The following RXRB variants were observed in gnomAD, a reference collection of about 807,000 sequenced individuals.
The protein encoded by RXRB is retinoic acid receptor RXR-beta.
Under a neutral mutation model 52.5 loss-of-function variants are expected in RXRB, and 18 were observed. The ratio of observed to expected loss-of-function variants is 0.34; its 90% confidence interval spans 0.24 to 0.51. RXRB has a LOEUF of 0.51. RXRB is among the 20% of genes least tolerant of loss of function. RXRB has a pLI of 0.97. For synonymous variants in RXRB, 233 were observed against 267.1 expected, an observed-to-expected ratio of 0.87 and a Z score of 1.25; for missense variants, 455 against 698.2, an observed-to-expected ratio of 0.65 and a Z score of 3.92.
In RXRB at chr6:33,194,480, C is replaced by A; in HGVS notation, c.*202G>T. On this transcript the variant is annotated 3_prime_UTR_variant, in exon 10 of 10. Coordinates refer to ENST00000374680, the MANE Select transcript of RXRB (RefSeq NM_021976.5). This position sits in a 1 kb window ranked among gnomAD's most constrained non-coding sequence, Gnocchi z 4.1. Reference sequence around the variant, plus strand: ...ACTCAAGGCCACCGAAGAGAGACAACCAGTCCTCACAGGTATCTGGGGTCC... The same window carrying A: ...ACTCAAGGCCACCGAAGAGAGACAAACAGTCCTCACAGGTATCTGGGGTCC... 1 of 550,632 alleles carries A rather than the reference C, an allele frequency of 1.8e-6. No homozygotes were observed. Among genetic ancestry groups the A allele is most frequent in the South Asian group, 2.9e-5 (1 of 34,714 alleles). 34.1% of individuals were successfully genotyped at this position (550,632 alleles called of 1,614,324 possible).
rs748582888 is a variant in RXRB, at chr6:33,195,727, A to G, written c.1124-25T>C. 2 of 1,609,586 alleles carry G rather than the reference A, an allele frequency of 1.2e-6. No homozygotes were observed. The highest frequency in any genetic ancestry group is 2.2e-5 in the South Asian group (2 of 90,942). On this transcript the variant is annotated intron_variant, in intron 6 of 9. Coordinates refer to ENST00000374680, the MANE Select transcript of RXRB (RefSeq NM_021976.5). This position sits in a 1 kb window ranked among gnomAD's most constrained non-coding sequence, Gnocchi z 8.6. ...CCTGGGTGGGGCAGCAAGGGTCAGG[A>G]GCCAGAAATCAGGCCAAGGGATTCA...
At position 33,197,593 on chromosome 6, in the gene RXRB, A is replaced by T. The variant is rs1439124431; in HGVS notation, c.820+169T>A. ...GGCCTAACCATTAAGAAGGAAACTC[A>T]AGGGCCAGAACAGGGTAACAGGGAG... On this transcript the variant is annotated intron_variant, in intron 4 of 9. Transcript: ENST00000374680. The surrounding 1 kb of genome is among the most constrained non-coding windows in gnomAD (Gnocchi z 4.4). Among the ~76,000 whole-genome samples the T allele has an allele frequency of 6.6e-6, 1 of 152,238 alleles. No homozygotes were observed. Among genetic ancestry groups the T allele is most frequent in the Non-Finnish European group, 1.5e-5 (1 of 68,042 alleles).
In RXRB at chr6:33,197,007, T is replaced by G. The variant is rs1268011147; in HGVS notation, c.821-401A>C. On this transcript the variant is annotated intron_variant, in intron 4 of 9. Transcript: ENST00000374680. The surrounding 1 kb of genome is among the most constrained non-coding windows in gnomAD (Gnocchi z 4.4). ...TGCTGGAAGCATTTATTCTCATTTT[T>G]AAGATGAAGAACTCGGGGTTCAAAG... Among the ~76,000 whole-genome samples the G allele has an allele frequency of 6.6e-6, 1 of 152,236 alleles. No individual in the cohort carries two copies. Among genetic ancestry groups the G allele is most frequent in the Non-Finnish European group, 1.5e-5 (1 of 68,038 alleles).
At position 33,193,987 on chromosome 6, in the gene RXRB, T is replaced by C. The variant is rs1333093565; in HGVS notation, c.*695A>G. ...CAAACACCCACCTCCACCACTGGCA[T>C]TTCTTAGTCAACCTGGGAAAGTACA... On this transcript the variant is annotated 3_prime_UTR_variant, in exon 10 of 10. Coordinates refer to ENST00000374680, the MANE Select transcript of RXRB (RefSeq NM_021976.5). 6.6e-6 allele frequency: 1 copy of C among 152,296 alleles called. No homozygotes were observed. Among genetic ancestry groups the C allele is most frequent in the East Asian group, 1.9e-4 (1 of 5,204 alleles). The allele number at this position is 152,296 out of a possible 1,614,324, so 9.4% of individuals were successfully genotyped here.
Position 33,195,355 on chromosome 6 carries a change from C to T in RXRB, c.1348+8G>A. 3.8e-6 allele frequency: 6 copies of T among 1,569,042 alleles called. No homozygotes were observed. The highest frequency in any genetic ancestry group is 3.3e-4 in the Middle Eastern group (2 of 5,992). ...GGCCTTGAGAGACAAAGGTAATCCT[C>T]CTCTTACCTGGATTAAACAGAATGA... On this transcript the variant is annotated splice_region_variant and intron_variant, in intron 8 of 9. Transcript: ENST00000374680. The surrounding 1 kb of genome is among the most constrained non-coding windows in gnomAD (Gnocchi z 8.6).
At position 33,195,122 on chromosome 6, in the gene RXRB, G is replaced by A; in HGVS notation, c.1349-72C>T. The A allele has an allele frequency of 9.0e-7, 1 of 1,106,824 alleles. No homozygotes were observed. Among genetic ancestry groups the A allele is most frequent in the Non-Finnish European group, 1.4e-6 (1 of 726,860 alleles). The allele number at this position is 1,106,824 out of a possible 1,614,324, so 68.6% of individuals were successfully genotyped here. A position where few individuals can be genotyped will look rare whatever the true frequency, so the allele number is the denominator to read the frequency against. Reference sequence around the variant, plus strand: ...AATCAGGATGGCCATGCAGATGTGAGCCACAGGATGCCCCTTTTGGGCTGC... The same window carrying A: ...AATCAGGATGGCCATGCAGATGTGAACCACAGGATGCCCCTTTTGGGCTGC... On this transcript the variant is annotated intron_variant, in intron 8 of 9. Transcript: ENST00000374680. The surrounding 1 kb of genome is among the most constrained non-coding windows in gnomAD (Gnocchi z 8.6).
In RXRB at chr6:33,200,333, C is replaced by CGCCGCT. The variant is rs1562423607; in HGVS notation, c.138_143dup (p.Ala51_Ala52dup). 1 of 1,586,488 alleles carries CGCCGCT rather than the reference C, an allele frequency of 6.3e-7. No individual in the cohort carries two copies. Among genetic ancestry groups the CGCCGCT allele is most frequent in the East Asian group, 2.3e-5 (1 of 43,420 alleles). On this transcript the variant is annotated inframe_insertion, in exon 1 of 10. Transcript: ENST00000374680. The surrounding 1 kb of genome is among the most constrained non-coding windows in gnomAD (Gnocchi z 6.3). ...CTCCGCCTGCCACCGCCGCCGCCGC[C>CGCCGCT]GCCGCTGCGGGATCCAGCCAGGGCC...
In RXRB at chr6:33,198,367, G is replaced by A. The variant is rs1338024369; in HGVS notation, c.581C>T (p.Pro194Leu). The A allele has an allele frequency of 6.2e-7, 1 of 1,613,004 alleles. No individual in the cohort carries two copies. The highest frequency in any genetic ancestry group is 2.2e-5 in the East Asian group (1 of 44,886). ...LGVRGLHCPPPPGGPGAGKRL... is the reference protein window; with the variant it reads ...LGVRGLHCPPLPGGPGAGKRL... ...TTTGCCAGCCCCAGGGCCACCTGGA[G>A]GGGGTGGACAGTGCAGGCCCCGGAC... is the stretch of plus-strand genomic sequence containing the variant. Residue 194 changes from proline (P) to leucine (L), a missense_variant, in exon 3 of 10, where the codon CCT becomes CTT. By Grantham distance (98) the Pro-to-Leu change is moderately conservative. Coordinates refer to ENST00000374680, the MANE Select transcript of RXRB (RefSeq NM_021976.5).
intron 1 of RXRB, chr6:33,199,628 G>C (rs2744520): frequency 3.9e-6 from 2 of 506,916 alleles, no homozygotes; most frequent in Non-Finnish European, 7.1e-6. Flanking sequence ...TGGGTTATCA[G>C]AACTTATTAA....
chr6:33,194,980 G>C lies in RXRB; in HGVS notation c.1419C>G (p.Thr473=), dbSNP rs775312696. ...GCTCAGGGTACTTCTGTTTGCAGTAGGTCTCCAGTGATGCATACACTTTCT... is the reference window on the plus strand; with the variant it reads ...GCTCAGGGTACTTCTGTTTGCAGTACGTCTCCAGTGATGCATACACTTTCT... ...LREKVYASLE[T]YCKQKYPEQQ... is the part of the protein sequence containing the mutation. The change falls in exon 9 of 10, where the codon ACC becomes ACG. Residue 473 remains threonine (T), a synonymous_variant. Coordinates refer to ENST00000374680, the MANE Select transcript of RXRB (RefSeq NM_021976.5). The surrounding 1 kb of genome is among the most constrained non-coding windows in gnomAD (Gnocchi z 4.1). The C allele has an allele frequency of 1.3e-4, 216 of 1,612,796 alleles. No homozygotes were observed. The highest frequency in any genetic ancestry group is 1.8e-4 in the Non-Finnish European group (210 of 1,180,010).
intron 3 of RXRB, 82 bp downstream of exon 3, chr6:33,198,226 A>C: frequency 6.2e-7 from 1 of 1,601,526 alleles, no homozygotes; most frequent in South Asian, 1.1e-5. Flanking sequence ...GCTCTGACCA[A>C]ACTCCATAAG....
chr6:33,200,754 C>G (rs1774456917), upstream of RXRB: 1 of 1,542,236 alleles, frequency 6.5e-7, no homozygotes, highest in Admixed American at 2.0e-5. This position sits in a 1 kb window ranked among gnomAD's most constrained non-coding sequence, Gnocchi z 6.3. Flanking sequence ...CGCCCACCCT[C>G]CCCTCAAATC....
At position 33,200,641 on chromosome 6, in the gene RXRB, TGGCA is replaced by T; in HGVS notation, c.-169_-166del. ...CAGTACCAAAATGACAGCGCCAATG[TGGCA>T]GCCATCTTTGTACAGACGGGAAGTC... On this transcript the variant is annotated 5_prime_UTR_variant, in exon 1 of 10. It removes the in-frame stop codon of an upstream open reading frame in the 5' UTR. Transcript: ENST00000374680. This position sits in a 1 kb window ranked among gnomAD's most constrained non-coding sequence, Gnocchi z 6.3. 6.6e-7 allele frequency: 1 copy of T among 1,518,156 alleles called. No individual in the cohort carries two copies. The highest frequency in any genetic ancestry group is 8.8e-7 in the Non-Finnish European group (1 of 1,131,734). 94.0% of individuals were successfully genotyped at this position (1,518,156 alleles called of 1,614,324 possible). A position where few individuals can be genotyped will look rare whatever the true frequency, so the allele number is the denominator to read the frequency against.
At position 33,194,382 on chromosome 6, in the gene RXRB, G is replaced by C; in HGVS notation, c.*300C>G. 1 of 381,224 alleles carries C rather than the reference G, an allele frequency of 2.6e-6. No individual in the cohort carries two copies. Among genetic ancestry groups the C allele is most frequent in the East Asian group, 4.3e-5 (1 of 23,070 alleles). The allele number at this position is 381,224 out of a possible 1,614,324, so 23.6% of individuals were successfully genotyped here. On this transcript the variant is annotated 3_prime_UTR_variant, in exon 10 of 10. Coordinates refer to ENST00000374680, the MANE Select transcript of RXRB (RefSeq NM_021976.5). The surrounding 1 kb of genome is among the most constrained non-coding windows in gnomAD (Gnocchi z 4.1). ...AAGCAAGGTCCTGGAGGCAAGGCCA[G>C]TGCTTTGTGCTGGGGGAAGGACAGA...
Position 33,195,588 on chromosome 6 carries a change from A to G in RXRB, c.1238T>C (p.Val413Ala). The change falls in exon 7 of 10, where the codon GTA becomes GCA. Residue 413 changes from valine to alanine, a missense_variant. Coordinates refer to ENST00000374680, the MANE Select transcript of RXRB (RefSeq NM_021976.5). This position sits in a 1 kb window ranked among gnomAD's most constrained non-coding sequence, Gnocchi z 8.6. The part of the protein sequence containing the change: ...VHRNSAHSAG[V>A]GAIFDRVLTE... ...CACTGACCGATCAAAGATGGCTCCT[A>G]CTCCTGCTGAATGGGCTGAGTTGCG... The G allele has an allele frequency of 6.2e-7, 1 of 1,612,810 alleles. No homozygotes were observed.
chr6:33,200,663 G>A lies in RXRB; in HGVS notation c.-187C>T. ...ATGTGGCAGCCATCTTTGTACAGAC[G>A]GGAAGTCTCGGCGCGAGTTCCCGCC... On this transcript the variant is annotated 5_prime_UTR_variant, in exon 1 of 10. Coordinates refer to ENST00000374680, the MANE Select transcript of RXRB (RefSeq NM_021976.5). This position sits in a 1 kb window ranked among gnomAD's most constrained non-coding sequence, Gnocchi z 6.3. The A allele has an allele frequency of 1.3e-6, 2 of 1,537,660 alleles. No homozygotes were observed. The highest frequency in any genetic ancestry group is 2.0e-5 in the Admixed American group (1 of 50,252).
chr6:33,200,815 G>A (rs938684909), upstream of RXRB: 4 of 1,519,122 alleles, frequency 2.6e-6, no homozygotes, highest in African/African-American at 4.1e-5. The surrounding 1 kb of genome is among the most constrained non-coding windows in gnomAD (Gnocchi z 6.3). Context: ...CGTCGCTACC[G>A]GAGTGCCGCC....
rs191476114 is a variant in RXRB, at chr6:33,197,980, G to A, written c.641-39C>T. 2.5e-6 allele frequency: 4 copies of A among 1,588,504 alleles called. No homozygotes were observed. In the African/African-American group the frequency reaches 5.4e-5, roughly 21 times the overall value. Reference sequence around the variant, plus strand: ...GGAGGAGCAATAAGAAGGTTGCATGGAGACACCTTCACCATTTAGTCTGTT... The same window carrying A: ...GGAGGAGCAATAAGAAGGTTGCATGAAGACACCTTCACCATTTAGTCTGTT... On this transcript the variant is annotated intron_variant, in intron 3 of 9. Transcript: ENST00000374680. The surrounding 1 kb of genome is among the most constrained non-coding windows in gnomAD (Gnocchi z 4.4).
Position 33,195,890 on chromosome 6 carries a change from G to C in RXRB, c.1123+17C>G, listed in dbSNP as rs1367295510. 6.2e-7 allele frequency: 1 copy of C among 1,612,048 alleles called. No individual in the cohort carries two copies. Among genetic ancestry groups the C allele is most frequent in the Non-Finnish European group, 8.5e-7 (1 of 1,180,006 alleles). ...GGGTCAAATGTCAAGAAGTCAAAGG[G>C]ATCCAAGGTCACTGACCTGCCCGCA... On this transcript the variant is annotated intron_variant, in intron 6 of 9. Transcript: ENST00000374680. The surrounding 1 kb of genome is among the most constrained non-coding windows in gnomAD (Gnocchi z 8.6).
Sources: gnomAD v4.1 joint callset for allele counts (sites outside exome capture counted in the v4.1 genomes callset) on GRCh38, gnomAD v4.1.1 for gene constraint, Gnocchi (gnomAD v3.1) non-coding constraint, MANE v1.5 for transcripts, NCBI Gene and HGNC (gene_info 2026-07-23, HGNC 2026-07-21) for gene names.